KIF18B: variants seen among roughly 807,000 people sequenced by gnomAD.
KIF18B encodes kinesin-like protein KIF18B.
KIF18B carries 49 observed loss-of-function variants against 80.9 expected under a neutral mutation model. That is an observed-to-expected ratio of 0.61 (90% CI 0.48 to 0.77). The LOEUF (loss-of-function observed/expected upper bound fraction) is 0.77. KIF18B is among the 30% of genes least tolerant of loss of function. The pLI, the probability that KIF18B is intolerant of heterozygous loss-of-function variation, is 0.00. For synonymous variants in KIF18B, 439 were observed against 463.9 expected, an observed-to-expected ratio of 0.95 and a Z score of 0.69; for missense variants, 994 against 1,127.7, an observed-to-expected ratio of 0.88 and a Z score of 1.70.
At position 44,932,145 on chromosome 17, in the gene KIF18B, TCCC is replaced by T; in HGVS notation, c.1297_1299del (p.Gly433del). 1 of 1,613,552 alleles carries T rather than the reference TCCC, an allele frequency of 6.2e-7. No homozygotes were observed. The highest frequency in any genetic ancestry group is 8.5e-7 in the Non-Finnish European group (1 of 1,179,716). Reference sequence around the variant, plus strand: ...ATGGCCCTCTCCACCTGGGCCTCCATCCCCAGACTCTCCTCTTGAAGGGCTCTA... The same window carrying T: ...ATGGCCCTCTCCACCTGGGCCTCCATCAGACTCTCCTCTTGAAGGGCTCTA... On this transcript the variant is annotated inframe_deletion, in exon 10 of 16. Coordinates refer to ENST00000593135, the MANE Select transcript of KIF18B (RefSeq NM_001265577.2).
At position 44,934,756 on chromosome 17, in the gene KIF18B, C is replaced by A; in HGVS notation, c.576+75G>T. The stretch of plus-strand genomic sequence containing the variant: ...GCTACCACCATCACAGGACCCAGGG[C>A]ATCCCCAAACAGTTTTGTGAGGGAA... On this transcript the variant is annotated intron_variant, in intron 4 of 15. Transcript: ENST00000593135. The surrounding 1 kb of genome is among the most constrained non-coding windows in gnomAD (Gnocchi z 5.4). 1 of 1,298,936 alleles carries A rather than the reference C, an allele frequency of 7.7e-7. No homozygotes were observed. 80.5% of individuals were successfully genotyped at this position (1,298,936 alleles called of 1,614,324 possible).
At chr17:44,935,849 T>TC (rs1389014119) in intron 2 of KIF18B, among the ~76,000 whole-genome samples, 183 bp downstream of exon 2, 1 of 152,018 alleles carries the variant, frequency 6.6e-6, no homozygotes, top group Non-Finnish European at 1.5e-5. Flanking sequence ...GTAGAGTGCC[T>TC]CCCCCATAGA....
At chr17:44,932,841 C>T (rs1424142154) in intron 8 of KIF18B, 68 bp from the exon 9 acceptor site, 21 of 1,575,280 alleles carry the variant, frequency 1.3e-5, no homozygotes, top group African/African-American at 5.4e-5. Context: ...CAGACAGAGC[C>T]CCCGCCACAC....
chr17:44,932,283 A>G lies in KIF18B; in HGVS notation c.1239-77T>C, dbSNP rs1462680740. The G allele has an allele frequency of 2.0e-6, 3 of 1,482,300 alleles. No homozygotes were observed. In the Admixed American group the frequency reaches 6.5e-5, roughly 32 times the overall value. 91.8% of individuals were successfully genotyped at this position (1,482,300 alleles called of 1,614,324 possible). ...GGGTTTGAGAGGCAGGATGTGGGCC[A>G]GGTGGGAGAGCAGGGAGCGGGTGGG... On this transcript the variant is annotated intron_variant, in intron 9 of 15. Coordinates refer to ENST00000593135, the MANE Select transcript of KIF18B (RefSeq NM_001265577.2).
chr17:44,931,422 T>A (rs571867962), intron 11 of KIF18B, among the ~76,000 whole-genome samples, 180 bp downstream of exon 11: 1 of 152,102 alleles, frequency 6.6e-6, no homozygotes, highest in Non-Finnish European at 1.5e-5. Flanking sequence ...GAGGAATACA[T>A]AGAGGTGATA....
chr17:44,935,009 G>A, intron 3 of KIF18B, 74 bp from the exon 4 acceptor site: 1 of 1,119,358 alleles, frequency 8.9e-7, no homozygotes, highest in Non-Finnish European at 1.3e-6. Context: ...GGCTGGACAG[G>A]GGAGCTGAGG....
At chr17:44,933,685 G>C (rs147736364) in intron 7 of KIF18B, among the ~76,000 whole-genome samples, 1,709 of 152,136 alleles carry the variant, frequency 0.011, 29 homozygotes, top group African/African-American at 0.038. Flanking sequence ...TAGAGATGGG[G>C]TTTCATCATG....
At chr17:44,935,937 G>C in intron 2 of KIF18B, 95 bp downstream of exon 2, 1 of 1,121,586 alleles carries the variant, frequency 8.9e-7, no homozygotes, top group Non-Finnish European at 1.3e-6. Flanking sequence ...GCCCAGCTTG[G>C]GGGAGGCGGG....
chr17:44,933,065 G>T, intron 7 of KIF18B, 79 bp from the exon 8 acceptor site: 1 of 1,331,256 alleles, frequency 7.5e-7, no homozygotes, highest in Non-Finnish European at 1.1e-6. Flanking sequence ...GCCAGGCACT[G>T]CACTAGGTCT....
chr17:44,942,797 C>T (rs934580799), intron 1 of KIF18B, among the ~76,000 whole-genome samples: 6 of 152,252 alleles, frequency 3.9e-5, no homozygotes, highest in Non-Finnish European at 8.8e-5. Context: ...TTAGTGCTTA[C>T]TATGAATTAG....
At chr17:44,941,448 T>C (rs1243010456) in intron 1 of KIF18B, among the ~76,000 whole-genome samples, 2 of 151,938 alleles carry the variant, frequency 1.3e-5, no homozygotes, top group Non-Finnish European at 2.9e-5. Context: ...AAGGAATTCT[T>C]CTGCCTCAGC....
intron 1 of KIF18B, among the ~76,000 whole-genome samples, chr17:44,941,896 G>A (rs1366119429): frequency 1.3e-5 from 2 of 152,206 alleles, no homozygotes; most frequent in Non-Finnish European, 2.9e-5. Flanking sequence ...CGCCTCCTGA[G>A]GGCCAGTGTG....
rs755190533 is a variant in KIF18B, at chr17:44,934,644, G to A, written c.577-27C>T. The A allele has an allele frequency of 1.4e-5, 22 of 1,550,064 alleles. No individual in the cohort carries two copies. Among genetic ancestry groups the A allele is most frequent in the Middle Eastern group, 1.7e-4 (1 of 5,830 alleles). On this transcript the variant is annotated intron_variant, in intron 4 of 15. Coordinates refer to ENST00000593135, the MANE Select transcript of KIF18B (RefSeq NM_001265577.2). This position sits in a 1 kb window ranked among gnomAD's most constrained non-coding sequence, Gnocchi z 5.4. The stretch of plus-strand genomic sequence containing the variant: ...TACAGAGGAGAAGCCCAGGAACGGG[G>A]CTGTGGGTTCCCGGATCAGGACTTT...
At chr17:44,935,215 C>T (rs755042742) in intron 3 of KIF18B, 44 bp downstream of exon 3, 45 of 1,537,152 alleles carry the variant, frequency 2.9e-5, no homozygotes, top group Non-Finnish European at 3.8e-5. Flanking sequence ...CTCACTTCCC[C>T]CCGGGTGGTT....
chr17:44,936,697 T>C (rs1037516779), intron 1 of KIF18B, among the ~76,000 whole-genome samples: 2 of 131,596 alleles, frequency 1.5e-5, no homozygotes, highest in Non-Finnish European at 3.1e-5. Flanking sequence ...TAGAGTGCAA[T>C]GGCATGATCT....
chr17:44,945,627 G>A (rs1031529717), intron 1 of KIF18B, among the ~76,000 whole-genome samples: 6 of 151,850 alleles, frequency 4.0e-5, no homozygotes, highest in African/African-American at 7.3e-5. Context: ...ATTTCAGGCC[G>A]GGCATGGTGG....
intron 1 of KIF18B, among the ~76,000 whole-genome samples, chr17:44,944,373 G>A (rs1424383103): frequency 6.6e-6 from 1 of 152,022 alleles, no homozygotes; most frequent in African/African-American, 2.4e-5. Context: ...CTCCTGAGTA[G>A]CTGGGACTAC....
chr17:44,932,852 C>T, intron 8 of KIF18B, 60 bp downstream of exon 8: 1 of 1,581,500 alleles, frequency 6.3e-7, no homozygotes, highest in African/African-American at 1.3e-5. Context: ...CCCGCCACAC[C>T]CTCAAGCTCC....
rs768164382 is a variant in KIF18B, at chr17:44,932,071, T to TTCATCC, written c.1368_1373dup (p.Asp457_Glu458dup). ...CAAGTCCTACCTCCTCAGCTGGGCC[T>TTCATCC]TCATCCTCATCCTCTGGGGACTGCT... On this transcript the variant is annotated inframe_insertion, in exon 10 of 16. Transcript: ENST00000593135. 293 of 1,612,252 alleles carry TTCATCC rather than the reference T, an allele frequency of 1.8e-4. No individual in the cohort carries two copies. The highest frequency in any genetic ancestry group is 2.1e-4 in the Non-Finnish European group (251 of 1,178,824).
Sources: allele counts gnomAD v4.1 joint callset (sites outside exome capture counted in the v4.1 genomes callset), GRCh38; gene constraint gnomAD v4.1.1; non-coding constraint Gnocchi (gnomAD v3.1); transcripts MANE v1.5; gene names NCBI Gene and HGNC (gene_info 2026-07-23, HGNC 2026-07-21).